Variants in PXK observed in about 807,000 individuals in gnomAD.
The protein encoded by PXK is PX domain-containing protein kinase-like protein.
PXK carries 35 observed loss-of-function variants against 84.7 expected under a neutral mutation model. That is an observed-to-expected ratio of 0.41 (90% CI 0.32 to 0.55). PXK has a LOEUF of 0.55. PXK is among the 20% of genes least tolerant of loss of function. The pLI is 0.21. For synonymous variants in PXK, 253 were observed against 260.8 expected (o/e 0.97, Z 0.29); for missense variants, 634 against 699.7 (o/e 0.91, Z 1.06).
intron 17 of PXK, among the ~76,000 whole-genome samples, chr3:58,417,136 G>A (rs1175250828): frequency 6.6e-6 from 1 of 152,128 alleles, no homozygotes. Context: ...AAACTCCTGG[G>A]CACAAGCACT....
At position 58,333,034 on chromosome 3, in the gene PXK, G is replaced by T; in HGVS notation, c.46G>T (p.Asp16Tyr). 1 of 1,359,780 alleles carries T rather than the reference G, an allele frequency of 7.4e-7. No homozygotes were observed. The allele number at this position is 1,359,780 out of a possible 1,614,324, so 84.2% of individuals were successfully genotyped here. A position where few individuals can be genotyped will look rare whatever the true frequency, so the allele number is the denominator to read the frequency against. The stretch of plus-strand genomic sequence containing the variant: ...GCCAGCCGGCAAGGTGCTGCTGGAC[G>T]ACACGGTGCCGCTGACAGCAGCCAT... The part of the protein sequence containing the change: ...KPPAGKVLLD[D>Y]TVPLTAAIEA... The change falls in exon 1 of 18, where the codon GAC becomes TAC. Residue 16 changes from aspartate (D) to tyrosine (Y), a missense_variant. Around this residue, in one of 3 missense-constraint regions of PXK, gnomAD observed 353 missense variants for 385.2 expected, o/e 0.92. Transcript: ENST00000356151. The surrounding 1 kb of genome is among the most constrained non-coding windows in gnomAD (Gnocchi z 5.4).
At chr3:58,380,789 A>AAAGT (rs1394215419) in intron 3 of PXK, among the ~76,000 whole-genome samples, 2 of 145,894 alleles carry the variant, frequency 1.4e-5, no homozygotes. Flanking sequence ...ACTCTGTCTC[A>AAAGT]AAGTAAGTAA....
intron 4 of PXK, 25 bp downstream of exon 4, chr3:58,382,725 T>C: frequency 6.8e-7 from 1 of 1,467,544 alleles, no homozygotes; most frequent in Non-Finnish European, 9.1e-7. Context: ...CTGTGAATTA[T>C]GGTCACATGG....
intron 4 of PXK, among the ~76,000 whole-genome samples, 187 bp downstream of exon 4, chr3:58,382,887 T>C (rs1005990779): frequency 8.5e-5 from 13 of 152,232 alleles, no homozygotes; most frequent in Non-Finnish European, 1.5e-5. Context: ...AGAAAATAAG[T>C]TACTTCCAAA....
At chr3:58,362,531 A>G (rs1266797975) in intron 1 of PXK, among the ~76,000 whole-genome samples, 1 of 152,222 alleles carries the variant, frequency 6.6e-6, no homozygotes, top group Non-Finnish European at 1.5e-5. Context: ...TGAAAAGGCT[A>G]TCATTCCTCT....
intron 3 of PXK, 54 bp downstream of exon 3, chr3:58,369,532 A>T: frequency 6.7e-7 from 1 of 1,492,010 alleles, no homozygotes; most frequent in African/African-American, 1.4e-5. Context: ...GTGTCTAAAA[A>T]ACTGGCTGGA....
rs768553583 is a variant in PXK, at chr3:58,385,646, A to C, written c.388+2946A>C. ...CCTGAGTAGCTGGGATTACAAGTGC[A>C]CACCACCATGCCCAGCTAATTTTTT... On this transcript the variant is annotated intron_variant, in intron 4 of 17. Coordinates refer to ENST00000356151, the MANE Select transcript of PXK (RefSeq NM_017771.5). This position sits in a 1 kb window ranked among gnomAD's most constrained non-coding sequence, Gnocchi z 5.1. 6.6e-6 allele frequency among the ~76,000 whole-genome samples: 1 copy of C among 152,102 alleles called. No individual in the cohort carries two copies. Among genetic ancestry groups the C allele is most frequent in the East Asian group, 1.9e-4 (1 of 5,184 alleles).
rs77270636 is a variant in PXK at position 58,353,681 on chromosome 3, C to T, written c.103-12193C>T. ...AGAATTTCCTCAGAAACCTTGCTGT[C>T]CTCTAGGATGATGTGGACTGCTGCC... On this transcript the variant is annotated intron_variant, in intron 1 of 17. Transcript: ENST00000356151. Among the ~76,000 whole-genome samples, 5 of 152,310 alleles carry T rather than the reference C, an allele frequency of 3.3e-5. No homozygotes were observed. In the East Asian group the frequency reaches 9.6e-4, roughly 29 times the overall value.
intron 1 of PXK, among the ~76,000 whole-genome samples, chr3:58,338,754 C>T (rs186236135): frequency 3.1e-4 from 47 of 150,338 alleles, no homozygotes; most frequent in Admixed American, 9.9e-4. Flanking sequence ...GGCGCGATCT[C>T]GGCTCACCGC....
chr3:58,420,412 T>G, intron 17 of PXK: 68 of 1,240,780 alleles, frequency 5.5e-5, no homozygotes, highest in Non-Finnish European at 7.4e-5. Context: ...AGTTTCGAAG[T>G]GAGAATAATC....
chr3:58,361,118 G>A (rs2098176930), intron 1 of PXK, among the ~76,000 whole-genome samples: 1 of 151,696 alleles, frequency 6.6e-6, no homozygotes, highest in East Asian at 1.9e-4. Context: ...CCAAGGTGGC[G>A]AAACCCCGTC....
intron 1 of PXK, among the ~76,000 whole-genome samples, chr3:58,340,806 G>A (rs1258349885): frequency 2.6e-5 from 4 of 152,074 alleles, no homozygotes; most frequent in Non-Finnish European, 5.9e-5. Flanking sequence ...AGGGCAGGTA[G>A]TGGTTTCTTT....
intron 4 of PXK, among the ~76,000 whole-genome samples, chr3:58,389,973 T>C (rs62258098): frequency 0.27 from 33,477 of 122,722 alleles, 5,461 homozygotes; most frequent in East Asian, 0.81. Context: ...CACTCCAACC[T>C]GGGTAACAAG....
intron 1 of PXK, among the ~76,000 whole-genome samples, chr3:58,351,395 T>TTTTGTGTGTGTGTG (rs542281716): frequency 1.4e-5 from 2 of 140,688 alleles, no homozygotes; most frequent in East Asian, 4.5e-4. Flanking sequence ...AGCTAGCTAT[T>TTTTGTGTGTGTGTG]TGTGTGTGTG....
rs899190663 is a variant in PXK at position 58,385,191 on chromosome 3, G to T, written c.388+2491G>T. On this transcript the variant is annotated intron_variant, in intron 4 of 17. Transcript: ENST00000356151. The surrounding 1 kb of genome is among the most constrained non-coding windows in gnomAD (Gnocchi z 5.1). ...GAGTCCAAAGCAGATGTGGGCAGGGGTATAAAAAGACCACCAGAAACTCCT... is the reference window on the plus strand; with the variant it reads ...GAGTCCAAAGCAGATGTGGGCAGGGTTATAAAAAGACCACCAGAAACTCCT... 6.6e-6 allele frequency among the ~76,000 whole-genome samples: 1 copy of T among 152,162 alleles called. No individual in the cohort carries two copies. The highest frequency in any genetic ancestry group is 6.5e-5 in the Admixed American group (1 of 15,276).
At chr3:58,388,426 C>T (rs539376404) in intron 4 of PXK, among the ~76,000 whole-genome samples, 2 of 152,200 alleles carry the variant, frequency 1.3e-5, no homozygotes, top group African/African-American at 4.8e-5. Flanking sequence ...TTTCATGCTC[C>T]TTCTCAAAGT....
intron 9 of PXK, among the ~76,000 whole-genome samples, chr3:58,396,561 G>A (rs746533357): frequency 1.3e-5 from 2 of 152,182 alleles, no homozygotes; most frequent in African/African-American, 2.4e-5. Flanking sequence ...GGATCCTGTT[G>A]TGTGTTCCTA....
chr3:58,420,304 A>C (rs1225283672), intron 17 of PXK, among the ~76,000 whole-genome samples: 1 of 152,238 alleles, frequency 6.6e-6, no homozygotes, highest in Non-Finnish European at 1.5e-5. Flanking sequence ...TGGCTCAAAA[A>C]GCGACTCATT....
At chr3:58,420,470 A>G in intron 17 of PXK, 1 of 1,512,202 alleles carries the variant, frequency 6.6e-7, no homozygotes, top group South Asian at 1.2e-5. Flanking sequence ...TATTTGATTA[A>G]ATGACACTAA....
Sources: allele counts gnomAD v4.1 joint callset (sites outside exome capture counted in the v4.1 genomes callset), GRCh38; gene constraint gnomAD v4.1.1; regional missense constraint gnomAD v4.1.1; non-coding constraint Gnocchi (gnomAD v3.1); transcripts MANE v1.5; gene names NCBI Gene and HGNC (gene_info 2026-07-23, HGNC 2026-07-21).